The following RGS9 variants were observed in gnomAD, a reference collection of about 807,000 sequenced individuals.
RGS9 encodes regulator of G protein signaling 9, also known as regulator of G-protein signalling 9.
Under a neutral mutation model 102.0 loss-of-function variants are expected in RGS9, and 78 were observed. The ratio of observed to expected loss-of-function variants is 0.76; its 90% CI spans 0.64 to 0.92. The LOEUF is 0.92. Ranked by LOEUF, RGS9 falls within the 40% of genes least tolerant of loss-of-function variation. The pLI, the probability that RGS9 is intolerant of heterozygous loss-of-function variation, is 0.00. For synonymous variants in RGS9, 353 were observed against 318.6 expected, an observed-to-expected ratio of 1.11 and a Z score of -1.15; for missense variants, 833 against 866.1, an observed-to-expected ratio of 0.96 and a Z score of 0.48.
At chr17:65,206,514 C>A (rs1467044927) in intron 15 of RGS9, among the ~76,000 whole-genome samples, 2 of 152,040 alleles carry the variant, frequency 1.3e-5, no homozygotes, top group Non-Finnish European at 2.9e-5. Context: ...CCCGTCTCTA[C>A]CAAAAATACA....
chr17:65,152,629 A>G (rs1266435325), intron 1 of RGS9, among the ~76,000 whole-genome samples: 1 of 152,146 alleles, frequency 6.6e-6, no homozygotes, highest in Non-Finnish European at 1.5e-5. Flanking sequence ...TCCTGGGCTC[A>G]AGTGATCCTC....
intron 17 of RGS9, among the ~76,000 whole-genome samples, chr17:65,222,649 G>A (rs1417458382): frequency 6.6e-6 from 1 of 152,136 alleles, no homozygotes; most frequent in Non-Finnish European, 1.5e-5. Flanking sequence ...TGTCTCCCAA[G>A]CCCCTAATCA....
chr17:65,154,936 C>G (rs1200074240), intron 2 of RGS9, among the ~76,000 whole-genome samples: 1 of 152,206 alleles, frequency 6.6e-6, no homozygotes. Context: ...CAGAGACAAG[C>G]TGGCTCACAG....
rs1009295855 is a variant in RGS9, at chr17:65,173,536, G to A, written c.583-4196G>A. Among the ~76,000 whole-genome samples, 4 of 152,226 alleles carry A rather than the reference G, an allele frequency of 2.6e-5. No individual in the cohort carries two copies. The highest frequency in any genetic ancestry group is 9.7e-5 in the African/African-American group (4 of 41,446). ...ATTGCCTCTTTGGCTTACACCCAAG[G>A]GATGTTGTTTGTGGGGGGCGGGGTC... On this transcript the variant is annotated intron_variant, in intron 8 of 18. Coordinates refer to ENST00000262406, the MANE Select transcript of RGS9 (RefSeq NM_003835.4). This position sits in a 1 kb window ranked among gnomAD's most constrained non-coding sequence, Gnocchi z 4.8.
chr17:65,226,265 G>T (rs369619980), intron 18 of RGS9, among the ~76,000 whole-genome samples: 2 of 152,330 alleles, frequency 1.3e-5, no homozygotes, highest in South Asian at 4.1e-4. Context: ...ACAGTCAGGG[G>T]CACCCCTGCA....
At position 65,199,960 on chromosome 17, in the gene RGS9, T is replaced by C. The variant is rs1009042590; in HGVS notation, c.977-2033T>C. The stretch of plus-strand genomic sequence containing the variant: ...TGTTATGAATAATGCTGCTATGAAC[T>C]TTGGTGTACATATTTTTGTGTGCTC... On this transcript the variant is annotated intron_variant, in intron 13 of 18. Coordinates refer to ENST00000262406, the MANE Select transcript of RGS9 (RefSeq NM_003835.4). Among the ~76,000 whole-genome samples the C allele has an allele frequency of 1.1e-4, 16 of 152,334 alleles. No homozygotes were observed. The East Asian group carries it at 3.1e-3, about 29-fold the overall frequency.
At position 65,171,134 on chromosome 17, in the gene RGS9, G is replaced by A. The variant is rs371190936; in HGVS notation, c.582+2853G>A. Among the ~76,000 whole-genome samples, 5 of 152,336 alleles carry A rather than the reference G, an allele frequency of 3.3e-5. 1 individual carries two copies. The highest frequency in any genetic ancestry group is 1.2e-4 in the African/African-American group (5 of 41,586). ...ACTGTAACCAACAGTTGTAGAGTGAGACGTGGCCTGCTGTTACTGAACCGA... is the reference window on the plus strand; with the variant it reads ...ACTGTAACCAACAGTTGTAGAGTGAAACGTGGCCTGCTGTTACTGAACCGA... On this transcript the variant is annotated intron_variant, in intron 8 of 18. Coordinates refer to ENST00000262406, the MANE Select transcript of RGS9 (RefSeq NM_003835.4).
chr17:65,207,790 T>TTG, intron 15 of RGS9, 132 bp from the exon 16 acceptor site: 1 of 647,360 alleles, frequency 1.5e-6, no homozygotes, highest in South Asian at 1.6e-5. Context: ...CCCAACACCT[T>TTG]TCACCCAAGG....
intron 14 of RGS9, among the ~76,000 whole-genome samples, chr17:65,203,469 A>T (rs1271782004): frequency 6.6e-6 from 1 of 152,158 alleles, no homozygotes; most frequent in African/African-American, 2.4e-5. Flanking sequence ...TGGTTATGTT[A>T]TGTAAATCTC....
intron 2 of RGS9, 107 bp downstream of exon 2, chr17:65,153,625 C>T: frequency 1.1e-6 from 1 of 886,726 alleles, no homozygotes; most frequent in Non-Finnish European, 1.9e-6. Flanking sequence ...GGTGCAGTGG[C>T]TCACGCCTGT....
At chr17:65,216,098 G>A (rs898676840) in intron 17 of RGS9, among the ~76,000 whole-genome samples, 1 of 152,212 alleles carries the variant, frequency 6.6e-6, no homozygotes, top group Non-Finnish European at 1.5e-5. Flanking sequence ...GCAGAGAGCT[G>A]TGGTTAATAA....
intron 17 of RGS9, among the ~76,000 whole-genome samples, chr17:65,212,923 C>T (rs1415734044): frequency 6.6e-6 from 1 of 152,018 alleles, no homozygotes; most frequent in Non-Finnish European, 1.5e-5. Context: ...TTCCTGACAC[C>T]CAGGGGGTTC....
At chr17:65,207,390 T>G (rs190931941) in intron 15 of RGS9, among the ~76,000 whole-genome samples, 193 of 152,264 alleles carry the variant, frequency 1.3e-3, no homozygotes, top group African/African-American at 4.4e-3. Flanking sequence ...ACTGTTCAGG[T>G]AGTTGTTAAT....
chr17:65,175,015 C>T (rs867090625), intron 8 of RGS9, among the ~76,000 whole-genome samples: 35 of 152,238 alleles, frequency 2.3e-4, no homozygotes, highest in Middle Eastern at 3.4e-3. Context: ...CTCCCTCAAT[C>T]CCTGGGGATT....
At chr17:65,158,469 T>C (rs1910859669) in intron 3 of RGS9, 124 bp downstream of exon 3, 1 of 919,728 alleles carries the variant, frequency 1.1e-6, no homozygotes, top group Non-Finnish European at 1.8e-6. Flanking sequence ...AGACATGACC[T>C]TCGTGTGTAA....
intron 2 of RGS9, among the ~76,000 whole-genome samples, chr17:65,155,967 T>A (rs1200867555): frequency 6.6e-6 from 1 of 152,154 alleles, no homozygotes; most frequent in Non-Finnish European, 1.5e-5. Context: ...ATTTCATGAG[T>A]GAGCTTGAAT....
chr17:65,208,143 G>A (rs1196720949), intron 16 of RGS9, 136 bp downstream of exon 16: 5 of 674,232 alleles, frequency 7.4e-6, no homozygotes, highest in Non-Finnish European at 1.4e-5. Flanking sequence ...ATTGCTCAGG[G>A]AATGAGTGCC....
At chr17:65,157,017 T>TG (rs964769434) in intron 2 of RGS9, among the ~76,000 whole-genome samples, 13 of 152,288 alleles carry the variant, frequency 8.5e-5, no homozygotes, top group African/African-American at 3.1e-4. Context: ...CACCCAGCCA[T>TG]GGTCGTAGGC....
chr17:65,224,201 T>C (rs1239639296), intron 17 of RGS9, among the ~76,000 whole-genome samples: 1 of 152,252 alleles, frequency 6.6e-6, no homozygotes, highest in African/African-American at 2.4e-5. Flanking sequence ...TTTAATTTCC[T>C]TTTGTCTGCT....
Sources: allele counts gnomAD v4.1 joint callset (sites outside exome capture counted in the v4.1 genomes callset), GRCh38; gene constraint gnomAD v4.1.1; non-coding constraint Gnocchi (gnomAD v3.1); transcripts MANE v1.5; gene names NCBI Gene and HGNC (gene_info 2026-07-23, HGNC 2026-07-21).